Variants in MEIKIN observed in about 807,000 individuals in gnomAD.
MEIKIN encodes the protein meiotic kinetochore factor.
Position 131,945,528 on chromosome 5 carries a change from G to T in MEIKIN, c.-23C>A. ...CATTGCTATCCCACCCTACCCCCAG[G>T]CCACGGGTGCCTCTGGACTCTCGAT... On this transcript the variant is annotated 5_prime_UTR_variant, in exon 1 of 13. Coordinates refer to ENST00000442687, the MANE Select transcript of MEIKIN (RefSeq NM_001303622.2). The T allele has an allele frequency of 2.5e-6, 1 of 399,950 alleles. No homozygotes were observed. Among genetic ancestry groups the T allele is most frequent in the Non-Finnish European group, 4.4e-6 (1 of 226,150 alleles). 24.8% of individuals were successfully genotyped at this position (399,950 alleles called of 1,614,324 possible). A position where few individuals can be genotyped will look rare whatever the true frequency, so the allele number is the denominator to read the frequency against.
Position 131,807,044 on chromosome 5 carries a change from A to T in MEIKIN, c.*192T>A, listed in dbSNP as rs1232312317. The stretch of plus-strand genomic sequence containing the variant: ...ATATATTTAAGAAGCATATGGAATA[A>T]TTTTTTTTCTTAACTGATTAAAAGT... On this transcript the variant is annotated 3_prime_UTR_variant, in exon 13 of 13. Coordinates refer to ENST00000442687, the MANE Select transcript of MEIKIN (RefSeq NM_001303622.2). The T allele has an allele frequency of 2.1e-5, 8 of 379,520 alleles. No individual in the cohort carries two copies. The South Asian group carries it at 7.3e-4, about 34-fold the overall frequency. 23.5% of individuals were successfully genotyped at this position (379,520 alleles called of 1,614,324 possible).
intron 6 of MEIKIN, among the ~76,000 whole-genome samples, chr5:131,921,503 A>C (rs979009050): frequency 6.6e-6 from 1 of 152,156 alleles, no homozygotes; most frequent in Non-Finnish European, 1.5e-5. Flanking sequence ...ATAAAAATAC[A>C]AAAATTAACT....
intron 8 of MEIKIN, among the ~76,000 whole-genome samples, chr5:131,909,597 C>T (rs184237356): frequency 1.2e-3 from 175 of 152,014 alleles, no homozygotes; most frequent in African/African-American, 4.1e-3. Flanking sequence ...TTCTGCACAG[C>T]AAAGGAAACA....
At chr5:131,836,142 C>A (rs1454335457) in intron 11 of MEIKIN, among the ~76,000 whole-genome samples, 1 of 152,078 alleles carries the variant, frequency 6.6e-6, no homozygotes, top group African/African-American at 2.4e-5. Flanking sequence ...TGAGAATATG[C>A]CATATTTGGT....
chr5:131,816,980 G>A (rs1447563446), intron 12 of MEIKIN, among the ~76,000 whole-genome samples: 3 of 152,164 alleles, frequency 2.0e-5, no homozygotes, highest in East Asian at 3.9e-4. Context: ...AGAAGAGACT[G>A]GCATTTGAAT....
At chr5:131,821,671 A>T (rs1472678470) in intron 11 of MEIKIN, among the ~76,000 whole-genome samples, 27 of 39,152 alleles carry the variant, frequency 6.9e-4, no homozygotes, top group Admixed American at 1.1e-3. Context: ...GACAAGATTT[A>T]CTCTTTTGCT....
intron 8 of MEIKIN, among the ~76,000 whole-genome samples, chr5:131,893,122 A>G (rs1337920369): frequency 6.6e-6 from 1 of 151,844 alleles, no homozygotes; most frequent in African/African-American, 2.4e-5. Context: ...TCAGGCTGTC[A>G]GACAGGGGCA....
chr5:131,826,414 T>C (rs1313288848), intron 11 of MEIKIN, among the ~76,000 whole-genome samples: 2 of 152,156 alleles, frequency 1.3e-5, no homozygotes, highest in African/African-American at 2.4e-5. Context: ...AACAAAAATA[T>C]GTAAGTTGGG....
At chr5:131,908,694 CA>C (rs922353395) in intron 8 of MEIKIN, among the ~76,000 whole-genome samples, 1 of 151,910 alleles carries the variant, frequency 6.6e-6, no homozygotes, top group African/African-American at 2.4e-5. Context: ...AAGATTCCAC[CA>C]AAAAACTAGT....
intron 9 of MEIKIN, among the ~76,000 whole-genome samples, chr5:131,863,557 C>CTTTTTTTTTT (rs59435888): frequency 6.9e-4 from 47 of 68,432 alleles, no homozygotes; most frequent in East Asian, 2.5e-3. Context: ...CTTCTTTGTC[C>CTTTTTTTTTT]TTTTTTTTTT....
At position 131,911,889 on chromosome 5, in the gene MEIKIN, G is replaced by T; in HGVS notation, c.639-10C>A. On this transcript the variant is annotated splice_polypyrimidine_tract_variant and intron_variant, in intron 7 of 12. Coordinates refer to ENST00000442687, the MANE Select transcript of MEIKIN (RefSeq NM_001303622.2). ...TGCTACTGTCATCACTCTATAACAA[G>T]AACAAACTGTTTAGTGGTATTTTCT... 2.5e-6 allele frequency: 1 copy of T among 397,552 alleles called. No individual in the cohort carries two copies. The highest frequency in any genetic ancestry group is 1.3e-4 in the South Asian group (1 of 7,826). 24.6% of individuals were successfully genotyped at this position (397,552 alleles called of 1,614,324 possible).
intron 9 of MEIKIN, among the ~76,000 whole-genome samples, chr5:131,860,418 A>G (rs1039693582): frequency 2.0e-5 from 3 of 150,636 alleles, no homozygotes; most frequent in African/African-American, 7.4e-5. Context: ...GCTTCACTGA[A>G]TTTGGTTCAG....
intron 8 of MEIKIN, among the ~76,000 whole-genome samples, chr5:131,905,950 C>T (rs187781897): frequency 5.3e-5 from 8 of 152,214 alleles, no homozygotes; most frequent in African/African-American, 1.9e-4. Flanking sequence ...GGAAATACCA[C>T]TCTGGACAAA....
chr5:131,921,290 T>C (rs1039563338), intron 6 of MEIKIN, among the ~76,000 whole-genome samples: 4 of 152,150 alleles, frequency 2.6e-5, no homozygotes, highest in African/African-American at 9.7e-5. Context: ...GGTAGAAGAA[T>C]TGCTTGAGGC....
intron 8 of MEIKIN, among the ~76,000 whole-genome samples, chr5:131,890,000 A>C (rs1750878939): frequency 6.6e-6 from 1 of 152,178 alleles, no homozygotes; most frequent in Non-Finnish European, 1.5e-5. Context: ...TTCTATTTAT[A>C]TGCTGGATTA....
chr5:131,911,926 T>TA, intron 7 of MEIKIN, 47 bp from the exon 8 acceptor site: 1 of 397,038 alleles, frequency 2.5e-6, no homozygotes, highest in Non-Finnish European at 4.5e-6. Context: ...AATCCTTCAG[T>TA]AACTTTCAAA....
intron 11 of MEIKIN, among the ~76,000 whole-genome samples, chr5:131,819,750 C>T (rs896263193): frequency 4.1e-5 from 6 of 145,884 alleles, no homozygotes; most frequent in Non-Finnish European, 8.9e-5. Flanking sequence ...TAGGCATGCA[C>T]CACTACATCC....
chr5:131,822,917 T>C (rs1291097104), intron 11 of MEIKIN, among the ~76,000 whole-genome samples: 2 of 149,832 alleles, frequency 1.3e-5, no homozygotes, highest in Admixed American at 1.4e-4. Flanking sequence ...TCTCTATTTC[T>C]CCTTCATGCT....
chr5:131,903,134 C>T (rs1255686632), intron 8 of MEIKIN, among the ~76,000 whole-genome samples: 1 of 151,868 alleles, frequency 6.6e-6, no homozygotes, highest in East Asian at 1.9e-4. Context: ...ACAAAACCTC[C>T]AAAAAATATG....
Sources: gnomAD v4.1 joint callset for allele counts (sites outside exome capture counted in the v4.1 genomes callset) on GRCh38, gnomAD v4.1.1 for gene constraint, MANE v1.5 for transcripts, NCBI Gene and HGNC (gene_info 2026-07-23, HGNC 2026-07-21) for gene names.